SLC4A10: variants seen among roughly 807,000 people sequenced by gnomAD.
SLC4A10 encodes the protein sodium-driven chloride bicarbonate exchanger.
A neutral mutation model predicts 137.7 loss-of-function variants in SLC4A10; 42 were observed. That is an observed-to-expected ratio of 0.30 (90% CI 0.24 to 0.39). The LOEUF (loss-of-function observed/expected upper bound fraction) is 0.39. SLC4A10 is among the 10% of genes least tolerant of loss of function. The pLI is 1.00. For synonymous variants in SLC4A10, 474 were observed against 464.1 expected, an observed-to-expected ratio of 1.02 and a Z score of -0.27; for missense variants, 925 against 1,355.0, an observed-to-expected ratio of 0.68 and a Z score of 4.98.
intron 1 of SLC4A10, among the ~76,000 whole-genome samples, chr2:161,694,419 A>G (rs1230089560): frequency 1.3e-5 from 2 of 151,968 alleles, no homozygotes; most frequent in East Asian, 3.9e-4. Flanking sequence ...ATGTTAAAGA[A>G]GAAATACGAT....
chr2:161,874,578 T>G (rs570670630), intron 8 of SLC4A10, among the ~76,000 whole-genome samples: 1 of 152,232 alleles, frequency 6.6e-6, no homozygotes, highest in Non-Finnish European at 1.5e-5. Flanking sequence ...TTTAATCCTT[T>G]TCTTTCTCTT....
At chr2:161,727,710 A>G (rs1019477204) in intron 1 of SLC4A10, among the ~76,000 whole-genome samples, 1 of 152,212 alleles carries the variant, frequency 6.6e-6, no homozygotes, top group African/African-American at 2.4e-5. Context: ...GGTAATCTCC[A>G]AGAAAATTGA....
intron 8 of SLC4A10, among the ~76,000 whole-genome samples, chr2:161,874,590 A>C (rs2061348667): frequency 6.6e-6 from 1 of 152,126 alleles, no homozygotes; most frequent in Non-Finnish European, 1.5e-5. Context: ...CTTTCTCTTC[A>C]CATTTGCGAT....
chr2:161,961,236 G>A (rs541412045), intron 21 of SLC4A10, among the ~76,000 whole-genome samples: 3 of 152,158 alleles, frequency 2.0e-5, no homozygotes, highest in Non-Finnish European at 4.4e-5. Context: ...CTGACTTTGG[G>A]AGAAAAAGCA....
intron 1 of SLC4A10, among the ~76,000 whole-genome samples, chr2:161,633,508 A>C (rs1421552860): frequency 6.6e-6 from 1 of 151,696 alleles, no homozygotes; most frequent in Non-Finnish European, 1.5e-5. Flanking sequence ...CTAGGTTTTC[A>C]ATGTCTTACT....
At chr2:161,918,974 G>A (rs530588806) in intron 15 of SLC4A10, among the ~76,000 whole-genome samples, 2 of 152,124 alleles carry the variant, frequency 1.3e-5, no homozygotes, top group Non-Finnish European at 2.9e-5. Context: ...GTGCTCTCAG[G>A]GCCTGGAAAG....
chr2:161,972,017 G>C (rs1313460578), intron 23 of SLC4A10, among the ~76,000 whole-genome samples: 1 of 152,124 alleles, frequency 6.6e-6, no homozygotes, highest in Non-Finnish European at 1.5e-5. Flanking sequence ...TTGAACATTC[G>C]TTTTCTGCTG....
intron 3 of SLC4A10, among the ~76,000 whole-genome samples, chr2:161,823,655 A>G (rs2057803545): frequency 6.6e-6 from 1 of 152,372 alleles, no homozygotes; most frequent in East Asian, 1.9e-4. Flanking sequence ...GTGGTTGCCC[A>G]CCGTTTCAGG....
intron 15 of SLC4A10, among the ~76,000 whole-genome samples, chr2:161,907,402 C>A (rs888148683): frequency 6.6e-6 from 1 of 152,124 alleles, no homozygotes; most frequent in Admixed American, 6.5e-5. Flanking sequence ...ATTTGGATAT[C>A]CTTGCTGGGA....
intron 1 of SLC4A10, among the ~76,000 whole-genome samples, chr2:161,728,042 C>G (rs1182537031): frequency 6.6e-6 from 1 of 152,092 alleles, no homozygotes; most frequent in Non-Finnish European, 1.5e-5. Context: ...AGTGAAGACA[C>G]AAATTACCAA....
chr2:161,753,065 A>G (rs2049165008), intron 1 of SLC4A10, among the ~76,000 whole-genome samples: 1 of 152,176 alleles, frequency 6.6e-6, no homozygotes, highest in African/African-American at 2.4e-5. Flanking sequence ...TAGCATCAAA[A>G]AGGAGGATAA....
At chr2:161,696,045 A>C (rs930072142) in intron 1 of SLC4A10, among the ~76,000 whole-genome samples, 1 of 151,082 alleles carries the variant, frequency 6.6e-6, no homozygotes, top group Non-Finnish European at 1.5e-5. Flanking sequence ...TATATCTCCT[A>C]ATGCTATCCC....
At chr2:161,852,839 T>C (rs2059907132) in intron 4 of SLC4A10, among the ~76,000 whole-genome samples, 1 of 152,200 alleles carries the variant, frequency 6.6e-6, no homozygotes, top group Admixed American at 6.5e-5. Context: ...AATTATTTAA[T>C]GTGTTTAATT....
In SLC4A10 at chr2:161,895,510, C is replaced by G. The variant is rs554966904; in HGVS notation, c.1341+685C>G. Among the ~76,000 whole-genome samples, 30 of 152,254 alleles carry G rather than the reference C, an allele frequency of 2.0e-4. 1 individual carries two copies. Among genetic ancestry groups the G allele is most frequent in the African/African-American group, 7.2e-4 (30 of 41,568 alleles). On this transcript the variant is annotated intron_variant, in intron 11 of 26. Coordinates refer to ENST00000446997, the MANE Select transcript of SLC4A10 (RefSeq NM_001178015.2). ...CACACTGACTTCCACAAGGGTTGAA[C>G]TAGTTTACAGTCCCACCAACACTGT...
At chr2:161,824,470 AGATTGT>A (rs1045724263) in intron 3 of SLC4A10, among the ~76,000 whole-genome samples, 15 of 152,338 alleles carry the variant, frequency 9.8e-5, no homozygotes, top group Admixed American at 3.9e-4. Context: ...ATTATGAAAC[AGATTGT>A]GAATATGGCG....
At chr2:161,714,537 T>C (rs1443689432) in intron 1 of SLC4A10, among the ~76,000 whole-genome samples, 1 of 151,908 alleles carries the variant, frequency 6.6e-6, no homozygotes, top group Non-Finnish European at 1.5e-5. Context: ...CAGAGACTGG[T>C]TCCAGTGAAG....
intron 1 of SLC4A10, among the ~76,000 whole-genome samples, chr2:161,729,078 C>G (rs1015879060): frequency 1.3e-5 from 2 of 152,100 alleles, no homozygotes; most frequent in Admixed American, 6.5e-5. Flanking sequence ...TCAAAACCTA[C>G]AGTTAATGTA....
At chr2:161,714,720 C>A (rs2044661501) in intron 1 of SLC4A10, among the ~76,000 whole-genome samples, 1 of 151,926 alleles carries the variant, frequency 6.6e-6, no homozygotes, top group African/African-American at 2.4e-5. Flanking sequence ...GTGTTATGAT[C>A]CCATATCTTC....
chr2:161,684,690 G>A (rs2041203014), intron 1 of SLC4A10, among the ~76,000 whole-genome samples: 1 of 152,094 alleles, frequency 6.6e-6, no homozygotes, highest in Non-Finnish European at 1.5e-5. Flanking sequence ...GTTTGTTGCA[G>A]GGATTCAATG....
Sources: gnomAD v4.1 joint callset for allele counts (sites outside exome capture counted in the v4.1 genomes callset) on GRCh38, gnomAD v4.1.1 for gene constraint, MANE v1.5 for transcripts, NCBI Gene and HGNC (gene_info 2026-07-23, HGNC 2026-07-21) for gene names.